Variants in MTUS2 observed in about 807,000 individuals in gnomAD.
MTUS2 encodes microtubule-associated tumor suppressor candidate 2.
In MTUS2, 40 loss-of-function variants were observed where a neutral mutation model predicts 114.1. That is an observed-to-expected ratio of 0.35 (90% CI 0.27 to 0.46). The LOEUF (loss-of-function observed/expected upper bound fraction) is 0.46. Ranked by LOEUF, MTUS2 falls within the 20% of genes least tolerant of loss-of-function variation. MTUS2 has a pLI of 1.00. For missense variants in MTUS2, 1,679 were observed against 1,705.4 expected, an observed-to-expected ratio of 0.98 and a Z score of 0.27; for synonymous variants, 688 against 672.0, an observed-to-expected ratio of 1.02 and a Z score of -0.37.
rs148681937 is a variant in MTUS2, at chr13:28,932,094, A to G, written c.-243+92244A>G. The stretch of plus-strand genomic sequence containing the variant: ...CATCTAAGCATGAAGTCAAGGAATC[A>G]TAAGTCATTTTCCAACAGAGAATCC... On this transcript the variant is annotated intron_variant, in intron 2 of 15. Transcript: ENST00000612955. Among the ~76,000 whole-genome samples, 57 of 152,338 alleles carry G rather than the reference A, an allele frequency of 3.7e-4. 2 individuals are homozygous for G. The East Asian group carries it at 0.01, about 27-fold the overall frequency.
chr13:28,901,728 C>G (rs1326205530), intron 2 of MTUS2, among the ~76,000 whole-genome samples: 1 of 152,116 alleles, frequency 6.6e-6, no homozygotes, highest in African/African-American at 2.4e-5. Flanking sequence ...GTGTCTATGC[C>G]TCTACCAATA....
chr13:28,856,185 G>A (rs1268112075), intron 2 of MTUS2, among the ~76,000 whole-genome samples: 1 of 152,182 alleles, frequency 6.6e-6, no homozygotes, highest in African/African-American at 2.4e-5. Context: ...ATAAGGTTCT[G>A]TAAACTAATT....
In MTUS2 at chr13:29,025,685, A is replaced by G. The variant is rs1308141242; in HGVS notation, c.987A>G (p.Glu329=). The change falls in exon 3 of 16, where the codon GAA becomes GAG. Residue 329 remains glutamate (E), a synonymous_variant. Coordinates refer to ENST00000612955, the MANE Select transcript of MTUS2 (RefSeq NM_001033602.4). ...AACAGGAGGGAAAGGCAGCCCAGGA[A>G]GGGTATCTGGGATGCCACAAGGAAG... ...RVEQEGKAAQ[E]GYLGCHKEEN... The G allele has an allele frequency of 1.9e-6, 3 of 1,613,980 alleles. No individual in the cohort carries two copies. Among genetic ancestry groups the G allele is most frequent in the Non-Finnish European group, 2.5e-6 (3 of 1,179,884 alleles).
intron 2 of MTUS2, among the ~76,000 whole-genome samples, chr13:28,954,218 G>T (rs1882953680): frequency 6.6e-6 from 1 of 152,042 alleles, no homozygotes; most frequent in Non-Finnish European, 1.5e-5. Flanking sequence ...ACAGAAAAAT[G>T]CAGAATCTTT....
At chr13:29,262,587 A>G (rs1897516835) in intron 5 of MTUS2, among the ~76,000 whole-genome samples, 1 of 151,722 alleles carries the variant, frequency 6.6e-6, no homozygotes, top group Non-Finnish European at 1.5e-5. Flanking sequence ...AAAAAAAAGT[A>G]AGTTTGAAGG....
At chr13:29,372,828 CT>C (rs144946726) in intron 8 of MTUS2, among the ~76,000 whole-genome samples, 1 of 152,286 alleles carries the variant, frequency 6.6e-6, no homozygotes, top group African/African-American at 2.4e-5. Context: ...TCCGAAAGAT[CT>C]CAGTTGAGTT....
intron 8 of MTUS2, among the ~76,000 whole-genome samples, chr13:29,390,562 A>T (rs1291026140): frequency 6.7e-6 from 1 of 150,308 alleles, no homozygotes; most frequent in African/African-American, 2.4e-5. Flanking sequence ...CTGAGGCAGG[A>T]GAATCGCTGG....
chr13:29,365,561 G>C lies in MTUS2; in HGVS notation c.3117+6088G>C, dbSNP rs1214387523. Reference sequence around the variant, plus strand: ...ATGTCACTTTTTTGAAGGCAGATAGGTGCCATGGGAGAAGAAAGGTGAATT... The same window carrying C: ...ATGTCACTTTTTTGAAGGCAGATAGCTGCCATGGGAGAAGAAAGGTGAATT... On this transcript the variant is annotated intron_variant, in intron 8 of 15. Transcript: ENST00000612955. Among the ~76,000 whole-genome samples, 7 of 119,170 alleles carry C rather than the reference G, an allele frequency of 5.9e-5. No homozygotes were observed. In the Admixed American group the frequency reaches 6.2e-4, roughly 11 times the overall value. 78.2% of individuals were successfully genotyped at this position (119,170 alleles called of 152,430 possible).
At chr13:29,438,373 A>G (rs928174469) in intron 8 of MTUS2, among the ~76,000 whole-genome samples, 1 of 152,208 alleles carries the variant, frequency 6.6e-6, no homozygotes, top group African/African-American at 2.4e-5. Flanking sequence ...ACTAAATGTT[A>G]TAAACTGGGT....
intron 4 of MTUS2, among the ~76,000 whole-genome samples, chr13:29,100,316 A>G (rs957377015): frequency 1.3e-5 from 2 of 152,170 alleles, no homozygotes; most frequent in African/African-American, 2.4e-5. Flanking sequence ...TTTTCATAAG[A>G]CTTATTACAA....
At chr13:28,911,845 G>GTTTTTTTTTTTTTTTTTTTTTTAATTT (rs202187530) in intron 2 of MTUS2, among the ~76,000 whole-genome samples, 3 of 103,828 alleles carry the variant, frequency 2.9e-5, no homozygotes, top group African/African-American at 7.5e-5. Flanking sequence ...ACTTTTTAAT[G>GTTTTTTTTTTTTTTTTTTTTTTAATTT]TTTTTTTTTT....
At position 29,034,086 on chromosome 13, in the gene MTUS2, A is replaced by G. The variant is rs1593404202; in HGVS notation, c.2407A>G (p.Ile803Val). ...GAGCGCCATCCACCCACCAGGACCC[A>G]TAACAACAGCCACCAGTCTCTACAG... is the stretch of plus-strand genomic sequence containing the variant. Reference protein sequence around the residue: ...SASAIHPPGPITTATSLYSSD... With the variant: ...SASAIHPPGPVTTATSLYSSD... Residue 803 changes from isoleucine (I) to valine (V), a missense_variant, in exon 4 of 16, where the codon ATA (isoleucine) becomes GTA (valine). This residue lies in a region of MTUS2 where 822 missense variants were observed against 899.7 expected (regional missense o/e 0.91). Coordinates refer to ENST00000612955, the MANE Select transcript of MTUS2 (RefSeq NM_001033602.4). The G allele has an allele frequency of 2.5e-6, 4 of 1,614,050 alleles. No individual in the cohort carries two copies. The highest frequency in any genetic ancestry group is 4.5e-5 in the East Asian group (2 of 44,880).
chr13:28,900,133 T>C (rs1315175365), intron 2 of MTUS2, among the ~76,000 whole-genome samples: 4 of 151,984 alleles, frequency 2.6e-5, no homozygotes, highest in Admixed American at 6.5e-5. Flanking sequence ...AGTGATTTGC[T>C]CACCTCAGCC....
rs1886526256 is a variant in MTUS2 at position 29,026,073 on chromosome 13, T to G, written c.1375T>G (p.Leu459Val). The G allele has an allele frequency of 6.2e-7, 1 of 1,613,924 alleles. No homozygotes were observed. The highest frequency in any genetic ancestry group is 8.5e-7 in the Non-Finnish European group (1 of 1,179,856). The change falls in exon 3 of 16, where the codon TTG becomes GTG. Residue 459 changes from leucine to valine, a missense_variant. Physicochemically the swap from Leu to Val is conservative, Grantham distance 32. Transcript: ENST00000612955. ...PLDVIEEERR[L>V]GSGNKDSVMV... ...GGATGTCATTGAGGAGGAAAGGCGGTTGGGCAGTGGGAATAAGGACAGTGT... is the reference window on the plus strand; with the variant it reads ...GGATGTCATTGAGGAGGAAAGGCGGGTGGGCAGTGGGAATAAGGACAGTGT...
At chr13:29,083,672 T>C (rs1889544131) in intron 4 of MTUS2, among the ~76,000 whole-genome samples, 1 of 152,156 alleles carries the variant, frequency 6.6e-6, no homozygotes, top group Non-Finnish European at 1.5e-5. Context: ...ACAGGCCAAA[T>C]TGAGTTCTTA....
chr13:28,969,566 G>T (rs1362933805), intron 2 of MTUS2, among the ~76,000 whole-genome samples: 1 of 150,092 alleles, frequency 6.7e-6, no homozygotes, highest in Non-Finnish European at 1.5e-5. Flanking sequence ...GCAGTGGCGC[G>T]ATCTTGACTC....
intron 5 of MTUS2, among the ~76,000 whole-genome samples, chr13:29,166,183 A>G (rs1174958260): frequency 6.6e-6 from 1 of 152,138 alleles, no homozygotes; most frequent in Non-Finnish European, 1.5e-5. Context: ...TGCAATATCT[A>G]TTTCTCTAGG....
At chr13:28,836,974 T>C (rs1174652415) in intron 1 of MTUS2, among the ~76,000 whole-genome samples, 1 of 152,210 alleles carries the variant, frequency 6.6e-6, no homozygotes, top group African/African-American at 2.4e-5. Flanking sequence ...CTGCCCCCCT[T>C]AGTCTCCTAT....
chr13:29,129,767 G>T (rs1323292581), intron 5 of MTUS2, among the ~76,000 whole-genome samples: 2 of 152,180 alleles, frequency 1.3e-5, no homozygotes, highest in African/African-American at 4.8e-5. Flanking sequence ...GTTCTCAGGG[G>T]CAGCCTTGGT....
Sources: gnomAD v4.1 joint callset for allele counts (sites outside exome capture counted in the v4.1 genomes callset) on GRCh38, gnomAD v4.1.1 for gene constraint, gnomAD v4.1.1 regional missense constraint, MANE v1.5 for transcripts, NCBI Gene and HGNC (gene_info 2026-07-23, HGNC 2026-07-21) for gene names.